CFDP1: variants seen among roughly 807,000 people sequenced by gnomAD.
CFDP1 encodes heterochromatin-stabilizing protein CFDP1.
Under a neutral mutation model 40.1 loss-of-function variants are expected in CFDP1, and 31 were observed. The observed-to-expected ratio is 0.77, with a 90% confidence interval of 0.58 to 1.04. CFDP1 has a LOEUF of 1.04. CFDP1 is among the 50% of genes least tolerant of loss of function. The pLI, the probability that CFDP1 is intolerant of heterozygous loss-of-function variation, is 0.00. For missense variants in CFDP1, 423 were observed against 343.4 expected (o/e 1.23, Z -1.83); for synonymous variants, 167 against 120.0 (o/e 1.39, Z -2.56).
chr16:75,339,902 A>C (rs77864423), intron 5 of CFDP1, among the ~76,000 whole-genome samples: 2,364 of 152,340 alleles, frequency 0.016, 59 homozygotes, highest in African/African-American at 0.053. Context: ...AAAAATCTTT[A>C]AATGGCACAT....
At chr16:75,323,701 T>G (rs2078382481) in intron 5 of CFDP1, among the ~76,000 whole-genome samples, 1 of 150,088 alleles carries the variant, frequency 6.7e-6, no homozygotes, top group African/African-American at 2.5e-5. Flanking sequence ...ACTGCTTGAA[T>G]CCAGGAGGTA....
chr16:75,294,042 C>T lies in CFDP1; in HGVS notation c.810G>A (p.Gly270=), dbSNP rs375111551. ...CAAGGAAGGCTTTCCGTTCAATGTA[C>T]CTAGAAGATGAAAACAGTGTTTGTC... ...ELAIHNRGKE[G]YIERKAFLDR... is the part of the protein sequence containing the mutation. Residue 270 remains glycine, a splice_region_variant and synonymous_variant, in exon 7 of 7, where the codon GGG becomes GGA. Coordinates refer to ENST00000283882, the MANE Select transcript of CFDP1 (RefSeq NM_006324.3). 4 of 1,610,972 alleles carry T rather than the reference C, an allele frequency of 2.5e-6. No individual in the cohort carries two copies. Among genetic ancestry groups the T allele is most frequent in the Admixed American group, 1.7e-5 (1 of 59,986 alleles).
At chr16:75,427,978 G>A (rs1336414687) in intron 1 of CFDP1, among the ~76,000 whole-genome samples, 1 of 152,188 alleles carries the variant, frequency 6.6e-6, no homozygotes, top group African/African-American at 2.4e-5. Context: ...GAAGAAGCCA[G>A]ATACAAAAAG....
In CFDP1 at chr16:75,375,162, C is replaced by T. The variant is rs575894200; in HGVS notation, c.650+19928G>A. Among the ~76,000 whole-genome samples the T allele has an allele frequency of 3.3e-5, 5 of 151,856 alleles. 1 individual carries two copies. The South Asian group carries it at 1.0e-3, about 32-fold the overall frequency. On this transcript the variant is annotated intron_variant, in intron 5 of 6. Coordinates refer to ENST00000283882, the MANE Select transcript of CFDP1 (RefSeq NM_006324.3). Reference sequence around the variant, plus strand: ...TAAAAAAAGGCAAAATCTTCTCAACCTTATAGGCAGATTTCTTAGGACACA... The same window carrying T: ...TAAAAAAAGGCAAAATCTTCTCAACTTTATAGGCAGATTTCTTAGGACACA...
intron 5 of CFDP1, among the ~76,000 whole-genome samples, chr16:75,354,241 G>A (rs999836423): frequency 2.0e-5 from 3 of 152,166 alleles, no homozygotes; most frequent in African/African-American, 7.2e-5. Flanking sequence ...CATTTTCAAC[G>A]TATATTTTCA....
At chr16:75,333,423 T>G (rs1160463497) in intron 5 of CFDP1, among the ~76,000 whole-genome samples, 2 of 152,192 alleles carry the variant, frequency 1.3e-5, no homozygotes, top group Non-Finnish European at 2.9e-5. Context: ...ACACCCAGCC[T>G]ATTCATGTTC....
chr16:75,377,474 A>G (rs1487166549), intron 5 of CFDP1, among the ~76,000 whole-genome samples: 1 of 152,216 alleles, frequency 6.6e-6, no homozygotes, highest in Non-Finnish European at 1.5e-5. Flanking sequence ...TCTATTTATA[A>G]CTCAACTCTT....
chr16:75,336,970 G>A (rs531744616), intron 5 of CFDP1, among the ~76,000 whole-genome samples: 1 of 152,264 alleles, frequency 6.6e-6, no homozygotes, highest in Admixed American at 6.5e-5. Flanking sequence ...TTGATTTGTA[G>A]GGGATCTTAT....
At chr16:75,358,823 T>C (rs1404352117) in intron 5 of CFDP1, among the ~76,000 whole-genome samples, 1 of 152,156 alleles carries the variant, frequency 6.6e-6, no homozygotes, top group Non-Finnish European at 1.5e-5. Flanking sequence ...CACCGTGAAC[T>C]AGACAGCTTC....
Position 75,396,400 on chromosome 16 carries a change from A to G in CFDP1, c.531-1191T>C, listed in dbSNP as rs868366758. On this transcript the variant is annotated intron_variant, in intron 4 of 6. Coordinates refer to ENST00000283882, the MANE Select transcript of CFDP1 (RefSeq NM_006324.3). Reference sequence around the variant, plus strand: ...TAAAAATACAAAAAATTAGCCAGGCATAGTGGCAGGCGCCTGTAATCACAG... The same window carrying G: ...TAAAAATACAAAAAATTAGCCAGGCGTAGTGGCAGGCGCCTGTAATCACAG... 1.3e-3 allele frequency among the ~76,000 whole-genome samples: 135 copies of G among 103,094 alleles called. 33 individuals carry two copies. The highest frequency in any genetic ancestry group is 3.7e-3 in the African/African-American group (130 of 34,764). 67.6% of individuals were successfully genotyped at this position (103,094 alleles called of 152,430 possible).
At position 75,298,238 on chromosome 16, in the gene CFDP1, C is replaced by T; in HGVS notation, c.810-4196G>A. Among the ~76,000 whole-genome samples, 2 of 152,190 alleles carry T rather than the reference C, an allele frequency of 1.3e-5. 1 individual carries two copies. Among genetic ancestry groups the T allele is most frequent in the East Asian group, 3.8e-4 (2 of 5,202 alleles). On this transcript the variant is annotated intron_variant, in intron 6 of 6. Coordinates refer to ENST00000283882, the MANE Select transcript of CFDP1 (RefSeq NM_006324.3). ...ATTGAAAAAGGTCTGAAATCTAAAA[C>T]ACTTCCAGTCCCAAGCATTTCAGAT...
chr16:75,329,146 C>T (rs1007141767), intron 5 of CFDP1, among the ~76,000 whole-genome samples: 1 of 151,766 alleles, frequency 6.6e-6, no homozygotes, highest in African/African-American at 2.4e-5. Flanking sequence ...CCACTGTGCC[C>T]GGCCAACTTT....
chr16:75,318,160 A>G (rs2078336778), intron 5 of CFDP1, among the ~76,000 whole-genome samples: 1 of 152,040 alleles, frequency 6.6e-6, no homozygotes, highest in Non-Finnish European at 1.5e-5. Context: ...AAAAAGGTCA[A>G]TGACCCTTCT....
At chr16:75,332,128 G>A (rs1384009142) in intron 5 of CFDP1, among the ~76,000 whole-genome samples, 1 of 151,924 alleles carries the variant, frequency 6.6e-6, no homozygotes. Flanking sequence ...CAATTTTTTT[G>A]CCATTTAGAA....
chr16:75,410,055 C>CAAAAAAAAAAAAAA (rs150987819), intron 4 of CFDP1, among the ~76,000 whole-genome samples: 2 of 52,534 alleles, frequency 3.8e-5, no homozygotes, highest in African/African-American at 8.0e-5. Context: ...GACCCTTTCT[C>CAAAAAAAAAAAAAA]AAAAAAAAAA....
chr16:75,348,137 A>G (rs184075788), intron 5 of CFDP1, among the ~76,000 whole-genome samples: 1 of 152,258 alleles, frequency 6.6e-6, no homozygotes, highest in East Asian at 1.9e-4. Context: ...TTTTTTAGAG[A>G]CAAGGTCTCA....
chr16:75,356,446 A>AG (rs1305389055), intron 5 of CFDP1, among the ~76,000 whole-genome samples: 1 of 152,210 alleles, frequency 6.6e-6, no homozygotes, highest in Admixed American at 6.5e-5. Flanking sequence ...ATGTCTCAAA[A>AG]GTGGGGTTAA....
intron 5 of CFDP1, among the ~76,000 whole-genome samples, chr16:75,333,421 C>A (rs528723494): frequency 2.4e-3 from 373 of 152,300 alleles, no homozygotes; most frequent in Middle Eastern, 6.8e-3. Context: ...CCACACCCAG[C>A]CTATTCATGT....
chr16:75,416,414 T>C (rs527908314), intron 1 of CFDP1, among the ~76,000 whole-genome samples: 1 of 126,572 alleles, frequency 7.9e-6, no homozygotes, highest in Admixed American at 7.9e-5. Flanking sequence ...TTCAGAAAAA[T>C]GAAACAAACA....
Sources: gnomAD v4.1 joint callset for allele counts (sites outside exome capture counted in the v4.1 genomes callset) on GRCh38, gnomAD v4.1.1 for gene constraint, MANE v1.5 for transcripts, NCBI Gene and HGNC (gene_info 2026-07-23, HGNC 2026-07-21) for gene names.